Variants in KCNN2 observed in about 807,000 individuals in gnomAD.
The protein encoded by KCNN2 is potassium calcium-activated channel subfamily N member 2.
In KCNN2, 24 loss-of-function variants were observed where a neutral mutation model predicts 55.5. That is an observed-to-expected ratio of 0.43 (90% CI 0.31 to 0.61). The LOEUF (loss-of-function observed/expected upper bound fraction) is 0.61. KCNN2 is among the 20% of genes least tolerant of loss of function. KCNN2 has a pLI of 0.08. For missense variants in KCNN2, 754 were observed against 853.6 expected (o/e 0.88, Z 1.45); for synonymous variants, 431 against 336.1 (o/e 1.28, Z -3.09).
At chr5:114,443,474 C>G (rs1403147045) in intron 3 of KCNN2, among the ~76,000 whole-genome samples, 4 of 152,150 alleles carry the variant, frequency 2.6e-5, no homozygotes, top group Admixed American at 2.6e-4. Context: ...AATCATTAGG[C>G]TAAATGCTTC....
chr5:114,230,032 G>A (rs1440040236), intron 2 of KCNN2, among the ~76,000 whole-genome samples: 1 of 152,152 alleles, frequency 6.6e-6, no homozygotes. Context: ...ACCTAAAGGT[G>A]AGAAATGGCT....
chr5:114,482,279 C>T (rs1488004826), intron 5 of KCNN2, among the ~76,000 whole-genome samples: 3 of 152,138 alleles, frequency 2.0e-5, no homozygotes, highest in Non-Finnish European at 2.9e-5. Context: ...AAAAAATGCT[C>T]ACCATCACTG....
chr5:114,305,204 G>A (rs1032623415), intron 2 of KCNN2, among the ~76,000 whole-genome samples: 5 of 152,178 alleles, frequency 3.3e-5, no homozygotes, highest in African/African-American at 1.2e-4. Context: ...CCTCAGCAAG[G>A]CTGGGATTCA....
chr5:114,467,139 A>G (rs1384791553), intron 4 of KCNN2, among the ~76,000 whole-genome samples: 2 of 152,168 alleles, frequency 1.3e-5, no homozygotes, highest in Non-Finnish European at 2.9e-5. Context: ...AGTTAAACAA[A>G]CAGTTTGCAT....
chr5:114,269,435 T>C (rs1755276135), intron 2 of KCNN2, among the ~76,000 whole-genome samples: 1 of 152,118 alleles, frequency 6.6e-6, no homozygotes, highest in Non-Finnish European at 1.5e-5. Context: ...CTAAAGTTCT[T>C]AGCTCAAACT....
chr5:114,310,794 A>C (rs1374183666), intron 2 of KCNN2, among the ~76,000 whole-genome samples: 2 of 152,156 alleles, frequency 1.3e-5, no homozygotes, highest in African/African-American at 4.8e-5. Flanking sequence ...AAAGTGGGCC[A>C]TATGAAATGG....
intron 2 of KCNN2, among the ~76,000 whole-genome samples, chr5:114,399,800 G>A (rs1290543370): frequency 6.6e-6 from 1 of 151,920 alleles, no homozygotes; most frequent in Non-Finnish European, 1.5e-5. Flanking sequence ...TTGGTCTGTT[G>A]AGGTATTTCA....
At chr5:114,077,417 C>A (rs1282103053) in intron 1 of KCNN2, among the ~76,000 whole-genome samples, 1 of 152,066 alleles carries the variant, frequency 6.6e-6, no homozygotes, top group Non-Finnish European at 1.5e-5. Context: ...ATTGTGAGGC[C>A]CTCTAGTAGG....
chr5:114,496,416 C>T lies in KCNN2; in HGVS notation c.*234C>T. 1 of 438,400 alleles carries T rather than the reference C, an allele frequency of 2.3e-6. No individual in the cohort carries two copies. Among genetic ancestry groups the T allele is most frequent in the Non-Finnish European group, 4.0e-6 (1 of 250,350 alleles). The allele number at this position is 438,400 out of a possible 1,614,324, so 27.2% of individuals were successfully genotyped here. On this transcript the variant is annotated 3_prime_UTR_variant, in exon 8 of 8. Coordinates refer to ENST00000673685, the MANE Select transcript of KCNN2 (RefSeq NM_021614.4). Reference sequence around the variant, plus strand: ...ATATAGATTGTTCCTCCTGTAATTTCACTAACTTTTTATTCATGCACTTCA... The same window carrying T: ...ATATAGATTGTTCCTCCTGTAATTTTACTAACTTTTTATTCATGCACTTCA...
chr5:114,242,519 A>T (rs920328863), intron 2 of KCNN2, among the ~76,000 whole-genome samples: 1 of 152,206 alleles, frequency 6.6e-6, no homozygotes, highest in African/African-American at 2.4e-5. Flanking sequence ...CACAACCTGA[A>T]TGTCTACCAA....
chr5:114,483,885 C>G (rs749283717), intron 5 of KCNN2, among the ~76,000 whole-genome samples: 1 of 152,090 alleles, frequency 6.6e-6, no homozygotes, highest in East Asian at 1.9e-4. Flanking sequence ...TGATGGACAT[C>G]GGTAAATCCT....
chr5:114,187,809 T>G (rs1394253223), intron 1 of KCNN2, among the ~76,000 whole-genome samples: 1 of 148,834 alleles, frequency 6.7e-6, no homozygotes, highest in Non-Finnish European at 1.5e-5. Context: ...CCCGGCCCCC[T>G]TTTTTTTCTT....
At chr5:114,079,685 C>T (rs900832475) in intron 1 of KCNN2, among the ~76,000 whole-genome samples, 1 of 152,106 alleles carries the variant, frequency 6.6e-6, no homozygotes, top group African/African-American at 2.4e-5. Flanking sequence ...GCCTTGGTGT[C>T]TGGCACATAG....
At chr5:114,381,929 GC>G (rs1476789044) in intron 2 of KCNN2, among the ~76,000 whole-genome samples, 11 of 152,180 alleles carry the variant, frequency 7.2e-5, no homozygotes, top group Non-Finnish European at 1.0e-4. Context: ...GCTGGGTGAT[GC>G]AGGGATGGGA....
At chr5:114,467,934 C>G (rs902609514) in intron 4 of KCNN2, among the ~76,000 whole-genome samples, 2 of 152,088 alleles carry the variant, frequency 1.3e-5, no homozygotes, top group Non-Finnish European at 2.9e-5. Flanking sequence ...TGTTGATGAC[C>G]AGTTTTATGA....
chr5:114,123,938 T>C (rs1299901573), intron 1 of KCNN2, among the ~76,000 whole-genome samples: 1 of 152,244 alleles, frequency 6.6e-6, no homozygotes, highest in Non-Finnish European at 1.5e-5. Flanking sequence ...ACAGCTGCTT[T>C]TTCAACTTGT....
chr5:114,156,865 T>G lies in KCNN2; in HGVS notation c.-270-64615T>G, dbSNP rs116194663. Among the ~76,000 whole-genome samples the G allele has an allele frequency of 3.3e-3, 501 of 152,178 alleles. 4 individuals carry two copies. Among genetic ancestry groups the G allele is most frequent in the African/African-American group, 0.012 (484 of 41,522 alleles). ...TCCATGTTAGTTCCTTTTCTAAAGG[T>G]AAGACTTTGCCAGTAGACATAGCTT... On this transcript the variant is annotated intron_variant, in intron 1 of 10. Transcript: ENST00000512097.
At chr5:114,328,587 T>G (rs1756752187) in intron 2 of KCNN2, among the ~76,000 whole-genome samples, 1 of 152,298 alleles carries the variant, frequency 6.6e-6, no homozygotes, top group South Asian at 2.1e-4. Context: ...AGCAGTCTGT[T>G]TGAGTGACGG....
chr5:114,149,831 G>T lies in KCNN2; in HGVS notation c.-270-71649G>T, dbSNP rs549355309. Among the ~76,000 whole-genome samples the T allele has an allele frequency of 2.0e-3, 307 of 152,254 alleles. 2 individuals are homozygous for T. The highest frequency in any genetic ancestry group is 6.3e-3 in the African/African-American group (262 of 41,550). On this transcript the variant is annotated intron_variant, in intron 1 of 10. Transcript: ENST00000512097. ...AACAGGACGTGAAGCTAGACAACCGGTTAGACCAAAAATTCTCAGAAGGGA... is the reference window on the plus strand; with the variant it reads ...AACAGGACGTGAAGCTAGACAACCGTTTAGACCAAAAATTCTCAGAAGGGA...
Sources: gnomAD v4.1 joint callset for allele counts (sites outside exome capture counted in the v4.1 genomes callset) on GRCh38, gnomAD v4.1.1 for gene constraint, MANE v1.5 for transcripts, NCBI Gene and HGNC (gene_info 2026-07-23, HGNC 2026-07-21) for gene names.